The following ZNF646 variants were observed in gnomAD, a reference collection of about 807,000 sequenced individuals.
ZNF646 encodes the protein zinc finger protein 646.
Under a neutral mutation model 115.4 loss-of-function variants are expected in ZNF646, and 49 were observed. The ratio of observed to expected loss-of-function variants is 0.42; its 90% CI spans 0.34 to 0.54. The LOEUF is 0.54. ZNF646 is among the 20% of genes least tolerant of loss of function. The pLI, the probability that ZNF646 is intolerant of heterozygous loss-of-function variation, is 0.04. For missense variants in ZNF646, 2,269 were observed against 2,457.9 expected, an observed-to-expected ratio of 0.92 and a Z score of 1.62; for synonymous variants, 933 against 939.0, an observed-to-expected ratio of 0.99 and a Z score of 0.12.
Position 31,081,719 on chromosome 16 carries a change from T to A in ZNF646, c.5377+18T>A. 6.4e-7 allele frequency: 1 copy of A among 1,554,858 alleles called. No homozygotes were observed. Among genetic ancestry groups the A allele is most frequent in the Non-Finnish European group, 8.7e-7 (1 of 1,148,196 alleles). ...CGGCTCCGGTAGGGGGCATGAAGGG[T>A]CCCAGGAGGAGGTGGGCACACAGTG... On this transcript the variant is annotated intron_variant, in intron 2 of 2. Coordinates refer to ENST00000300850, the MANE Select transcript of ZNF646 (RefSeq NM_014699.4).
chr16:31,076,867 G>A lies in ZNF646; in HGVS notation c.543G>A (p.Glu181=). The change falls in exon 2 of 3, where the codon GAG becomes GAA. Residue 181 remains glutamate (E), a synonymous_variant. Transcript: ENST00000300850. ...GCTTGGCAAGCCACCCAGGTCCTGA[G>A]GATGGTGCAGACGGCTGGGGACCCT... ...REGLASHPGP[E]DGADGWGPST... is the part of the protein sequence containing the mutation. 6.2e-7 allele frequency: 1 copy of A among 1,614,126 alleles called. No homozygotes were observed. The highest frequency in any genetic ancestry group is 8.5e-7 in the Non-Finnish European group (1 of 1,180,028).
intron 2 of ZNF646, chr16:31,081,933 G>A: frequency 1.5e-6 from 1 of 654,418 alleles, no homozygotes; most frequent in South Asian, 2.5e-5. Context: ...GTGGGGGCGT[G>A]GTCAGGCCGA....
At position 31,079,239 on chromosome 16, in the gene ZNF646, G is replaced by T. The variant is rs1473520315; in HGVS notation, c.2915G>T (p.Ser972Ile). Residue 972 changes from serine (S) to isoleucine (I), a missense_variant, in exon 2 of 3, where the codon AGC (serine) becomes ATC (isoleucine). Transcript: ENST00000300850. This position sits in a 1 kb window ranked among gnomAD's most constrained non-coding sequence, Gnocchi z 5.5. ...GGTCAGACCTACGATGACCTGGGGA[G>T]CCTGGAGCGTCACCACCAAAGTCAG... is the stretch of plus-strand genomic sequence containing the variant. The part of the protein sequence containing the change: ...CCGQTYDDLG[S>I]LERHHQSQSS... The T allele has an allele frequency of 6.2e-7, 1 of 1,613,830 alleles. No homozygotes were observed. The highest frequency in any genetic ancestry group is 8.5e-7 in the Non-Finnish European group (1 of 1,180,018).
intron 2 of ZNF646, chr16:31,082,613 G>C: frequency 3.5e-6 from 1 of 289,594 alleles, no homozygotes; most frequent in South Asian, 4.3e-5. Context: ...AGCAGGACCT[G>C]GGCTGGCCTC....
At position 31,080,014 on chromosome 16, in the gene ZNF646, T is replaced by C. The variant is rs1413889663; in HGVS notation, c.3690T>C (p.Phe1230=). 4 of 1,601,876 alleles carry C rather than the reference T, an allele frequency of 2.5e-6. No individual in the cohort carries two copies. Among genetic ancestry groups the C allele is most frequent in the African/African-American group, 1.4e-5 (1 of 73,880 alleles). The change falls in exon 2 of 3, where the codon TTT becomes TTC. Residue 1230 remains phenylalanine, a synonymous_variant. Coordinates refer to ENST00000300850, the MANE Select transcript of ZNF646 (RefSeq NM_014699.4). ...NHRQSHQTGH[F]GCQACSKGFS... ...GGCAGAGCCACCAGACCGGCCACTT[T>C]GGCTGTCAGGCCTGCTCCAAGGGCT...
chr16:31,077,510 C>A lies in ZNF646; in HGVS notation c.1186C>A (p.His396Asn). The A allele has an allele frequency of 2.5e-6, 4 of 1,613,524 alleles. No homozygotes were observed. The highest frequency in any genetic ancestry group is 3.4e-6 in the Non-Finnish European group (4 of 1,179,936). Residue 396 changes from histidine to asparagine, a missense_variant, in exon 2 of 3, where the codon CAC becomes AAC. This residue lies in a region of ZNF646 where 852 missense variants were observed against 900.2 expected (regional missense o/e 0.95). Coordinates refer to ENST00000300850, the MANE Select transcript of ZNF646 (RefSeq NM_014699.4). ...AGSLINHRKS[H>N]QTGVYPCSLC... ...GAGCCTCATCAACCATCGAAAGAGC[C>A]ACCAGACAGGTGTCTACCCCTGCTC...
rs754062206 is a variant in ZNF646 at position 31,078,228 on chromosome 16, A to G, written c.1904A>G (p.His635Arg). Residue 635 changes from histidine to arginine, a missense_variant, in exon 2 of 3, where the codon CAC becomes CGC. His to Arg is a conservative substitution (Grantham distance 29, BLOSUM62 0). Coordinates refer to ENST00000300850, the MANE Select transcript of ZNF646 (RefSeq NM_014699.4). The part of the protein sequence containing the change: ...SYRHSGSLIN[H>R]RQTHQTGDFS... ...CGCCACTCAGGCAGCCTTATCAACC[A>G]CAGGCAGACCCACCAGACAGGAGAC... 1.9e-6 allele frequency: 3 copies of G among 1,613,960 alleles called. No individual in the cohort carries two copies. The highest frequency in any genetic ancestry group is 1.7e-5 in the Admixed American group (1 of 60,008).
Position 31,081,616 on chromosome 16 carries a change from C to G in ZNF646, c.5292C>G (p.Pro1764=), listed in dbSNP as rs758259532. 40 of 1,603,830 alleles carry G rather than the reference C, an allele frequency of 2.5e-5. No individual in the cohort carries two copies. Among genetic ancestry groups the G allele is most frequent in the Non-Finnish European group, 3.3e-5 (39 of 1,174,746 alleles). ...CCCGGGAGGGGCCTTTCACCTGCCC[C>G]CATTGTCCCCGCCACTTCCGCCGCC... ...HAPREGPFTC[P]HCPRHFRRRI... is the part of the protein sequence containing the mutation. The change falls in exon 2 of 3, where the codon CCC becomes CCG. Residue 1764 remains proline, a synonymous_variant. Coordinates refer to ENST00000300850, the MANE Select transcript of ZNF646 (RefSeq NM_014699.4).
Position 31,083,061 on chromosome 16 carries a change from A to T in ZNF646, c.5468A>T (p.Gln1823Leu). 1 of 1,555,600 alleles carries T rather than the reference A, an allele frequency of 6.4e-7. No homozygotes were observed. Among genetic ancestry groups the T allele is most frequent in the South Asian group, 1.1e-5 (1 of 88,610 alleles). ...PTTPLLDPSP[Q>L]WPADLSFSL ...ACCCCACTCCTGGATCCTTCACCCC[A>T]GTGGCCTGCAGACCTCAGCTTCTCC... Residue 1823 changes from glutamine to leucine, a missense_variant, in exon 3 of 3, where the codon CAG becomes CTG. Coordinates refer to ENST00000300850, the MANE Select transcript of ZNF646 (RefSeq NM_014699.4).
chr16:31,083,702 A>ATC lies in ZNF646; in HGVS notation c.*611_*612dup. 6.2e-7 allele frequency: 1 copy of ATC among 1,608,864 alleles called. No homozygotes were observed. The highest frequency in any genetic ancestry group is 2.2e-5 in the East Asian group (1 of 44,724). ...TTCTGGGCCTGCCCTGGTGCCTGGAATCACACATGACAGGGTGGGGAGGAC... is the reference window on the plus strand; with the variant it reads ...TTCTGGGCCTGCCCTGGTGCCTGGAATCTCACACATGACAGGGTGGGGAGGAC... On this transcript the variant is annotated 3_prime_UTR_variant, in exon 3 of 3. Coordinates refer to ENST00000300850, the MANE Select transcript of ZNF646 (RefSeq NM_014699.4).
At chr16:31,073,912 A>T (rs374728857), upstream of ZNF646, 1 of 152,260 alleles carries the variant, frequency 6.6e-6, no homozygotes, top group South Asian at 2.1e-4. Context: ...AGGGGACGCC[A>T]GGCAGGCTGA....
rs777678814 is a variant in ZNF646, at chr16:31,080,157, G to A, written c.3833G>A (p.Arg1278Gln). 13 of 1,612,246 alleles carry A rather than the reference G, an allele frequency of 8.1e-6. No individual in the cohort carries two copies. Among genetic ancestry groups the A allele is most frequent in the South Asian group, 1.1e-5 (1 of 91,040 alleles). The change falls in exon 2 of 3, where the codon CGG becomes CAG. Residue 1278 changes from arginine to glutamine, a missense_variant. By Grantham distance (43) the Arg-to-Gln change is conservative. Coordinates refer to ENST00000300850, the MANE Select transcript of ZNF646 (RefSeq NM_014699.4). ...CGGAAACAGCTGGCCAGCCACCAGC[G>A]GGTCCACATGGAACGGCGTGGGGGT... ...RLRKQLASHQ[R>Q]VHMERRGGGG...
Position 31,081,130 on chromosome 16 carries a change from C to A in ZNF646, c.4806C>A (p.Ser1602Arg), listed in dbSNP as rs1318771998. 6.2e-7 allele frequency: 1 copy of A among 1,608,140 alleles called. No individual in the cohort carries two copies. Among genetic ancestry groups the A allele is most frequent in the African/African-American group, 1.3e-5 (1 of 74,874 alleles). ...TTGAGTCCCACCAGGAACTGGCCAG[C>A]CACCTGCAGGCTCATGCCCGGGGCC... is the stretch of plus-strand genomic sequence containing the variant. ...KAFESHQELA[S>R]HLQAHARGHS... Residue 1602 changes from serine (S) to arginine (R), a missense_variant, in exon 2 of 3, where the codon AGC becomes AGA. Around this residue, in one of 5 missense-constraint regions of ZNF646, gnomAD observed 1,062 missense variants for 1,172.8 expected, o/e 0.91. Coordinates refer to ENST00000300850, the MANE Select transcript of ZNF646 (RefSeq NM_014699.4).
At position 31,080,831 on chromosome 16, in the gene ZNF646, T is replaced by TGCC; in HGVS notation, c.4508_4510dup (p.Cys1503_Gln1504insArg). The TGCC allele has an allele frequency of 1.9e-6, 3 of 1,614,062 alleles. No individual in the cohort carries two copies. Among genetic ancestry groups the TGCC allele is most frequent in the Non-Finnish European group, 2.5e-6 (3 of 1,180,010 alleles). On this transcript the variant is annotated inframe_insertion, in exon 2 of 3. Coordinates refer to ENST00000300850, the MANE Select transcript of ZNF646 (RefSeq NM_014699.4). ...CAGGAGTCCTTGCCACGCTGGTGAC[T>TGCC]GCCAGCTCAATGGACCTACTCTGAG...
chr16:31,079,579 C>T lies in ZNF646; in HGVS notation c.3255C>T (p.Ser1085=). ...GAGACTTTCTCTGCCCTGTCTGCTCCCGCTGCTACCCCAACCTGGCTGCCT... is the reference window on the plus strand; with the variant it reads ...GAGACTTTCTCTGCCCTGTCTGCTCTCGCTGCTACCCCAACCTGGCTGCCT... The part of the protein sequence containing the change: ...QTGDFLCPVC[S]RCYPNLAAYR... Residue 1085 remains serine, a synonymous_variant, in exon 2 of 3, where the codon TCC becomes TCT. Transcript: ENST00000300850. The surrounding 1 kb of genome is among the most constrained non-coding windows in gnomAD (Gnocchi z 5.5). 1 of 1,613,402 alleles carries T rather than the reference C, an allele frequency of 6.2e-7. No homozygotes were observed. Among genetic ancestry groups the T allele is most frequent in the Admixed American group, 1.7e-5 (1 of 60,020 alleles).
chr16:31,073,715 G>C (rs990600042), upstream of ZNF646: 1 of 152,240 alleles, frequency 6.6e-6, no homozygotes, highest in African/African-American at 2.4e-5. Flanking sequence ...CACCGACGGA[G>C]CCCGGACCCT....
At position 31,080,444 on chromosome 16, in the gene ZNF646, C is replaced by T. The variant is rs763669608; in HGVS notation, c.4120C>T (p.Pro1374Ser). The stretch of plus-strand genomic sequence containing the variant: ...TTGCGCCCTCTGTGGCCGCAGCTTC[C>T]CTGGCCGGGGATCTTTGGAGCGGCA... ...VRCALCGRSF[P>S]GRGSLERHLR... Residue 1374 changes from proline to serine, a missense_variant, in exon 2 of 3, where the codon CCT becomes TCT. By Grantham distance (74) the Pro-to-Ser change is moderately conservative. Around this residue, in one of 5 missense-constraint regions of ZNF646, gnomAD observed 1,062 missense variants for 1,172.8 expected, o/e 0.91. Transcript: ENST00000300850. The T allele has an allele frequency of 6.2e-7, 1 of 1,613,338 alleles. No homozygotes were observed. The highest frequency in any genetic ancestry group is 1.1e-5 in the South Asian group (1 of 91,088).
At chr16:31,081,817 G>T in intron 2 of ZNF646, 116 bp downstream of exon 2, 1 of 1,420,578 alleles carries the variant, frequency 7.0e-7, no homozygotes, top group Non-Finnish European at 9.3e-7. Flanking sequence ...GATTCTAAGA[G>T]GTGGGTGGGG....
In ZNF646 at chr16:31,081,203, G is replaced by C. The variant is rs754698687; in HGVS notation, c.4879G>C (p.Gly1627Arg). The C allele has an allele frequency of 6.3e-6, 10 of 1,588,956 alleles. No homozygotes were observed. In the South Asian group the frequency reaches 1.0e-4, roughly 16 times the overall value. The change falls in exon 2 of 3, where the codon GGG (glycine) becomes CGG (arginine). Residue 1627 changes from glycine (G) to arginine (R), a missense_variant. Coordinates refer to ENST00000300850, the MANE Select transcript of ZNF646 (RefSeq NM_014699.4). ...QMEEARDPKA[G>R]TGEDQVVLPG... Reference sequence around the variant, plus strand: ...GGAGGAGGCCAGAGATCCCAAAGCCGGGACTGGGGAGGACCAGGTGGTTCT... The same window carrying C: ...GGAGGAGGCCAGAGATCCCAAAGCCCGGACTGGGGAGGACCAGGTGGTTCT...
Sources: allele counts gnomAD v4.1 joint callset, GRCh38; gene constraint gnomAD v4.1.1; regional missense constraint gnomAD v4.1.1; non-coding constraint Gnocchi (gnomAD v3.1); transcripts MANE v1.5; gene names NCBI Gene and HGNC (gene_info 2026-07-23, HGNC 2026-07-21).